Variants in SCML4 observed in about 807,000 individuals in gnomAD.
SCML4 encodes sex comb on midleg-like protein 4.
Under a neutral mutation model 41.1 loss-of-function variants are expected in SCML4, and 34 were observed. That is an observed-to-expected ratio of 0.83 (90% CI 0.63 to 1.10). The LOEUF is 1.10. Among genes scored for constraint, SCML4 ranks in the 50% least tolerant of loss-of-function variants. SCML4 has a pLI of 0.00. For synonymous variants in SCML4, 214 were observed against 220.9 expected, an observed-to-expected ratio of 0.97 and a Z score of 0.28; for missense variants, 522 against 534.1, an observed-to-expected ratio of 0.98 and a Z score of 0.22.
the SCML4 span, among the ~76,000 whole-genome samples, chr6:107,841,831 T>G: frequency 6.6e-6 from 1 of 151,842 alleles, no homozygotes; most frequent in African/African-American, 2.4e-5. Flanking sequence ...AAAATCCTCC[T>G]CCTCTACACA....
chr6:107,825,311 T>C (rs929343623), upstream of SCML4, among the ~76,000 whole-genome samples: 1 of 152,176 alleles, frequency 6.6e-6, no homozygotes, highest in East Asian at 1.9e-4. Flanking sequence ...GGACTAAATA[T>C]CAACCAGGGC....
chr6:107,812,422 G>A (rs887252879), intron 1 of SCML4, among the ~76,000 whole-genome samples: 3 of 152,204 alleles, frequency 2.0e-5, no homozygotes, highest in South Asian at 2.1e-4. Context: ...TGCCATGTCC[G>A]ATACCTCCTC....
intron 2 of SCML4, chr6:107,755,574 T>C: frequency 7.5e-7 from 1 of 1,330,622 alleles, no homozygotes; most frequent in Non-Finnish European, 9.9e-7. Flanking sequence ...CACAAACCTC[T>C]CTCCAGTGGA....
chr6:107,820,714 G>A (rs927759689), intron 1 of SCML4, among the ~76,000 whole-genome samples: 10 of 152,272 alleles, frequency 6.6e-5, no homozygotes, highest in South Asian at 2.1e-4. Context: ...CAGGGCGTTC[G>A]GACTTGGTAT....
At chr6:107,762,615 G>A (rs1048457013) in intron 2 of SCML4, among the ~76,000 whole-genome samples, 5 of 152,102 alleles carry the variant, frequency 3.3e-5, no homozygotes, top group African/African-American at 9.7e-5. Context: ...AAATATGGAC[G>A]GAGAGGCAGA....
intron 1 of SCML4, among the ~76,000 whole-genome samples, chr6:107,782,208 G>A (rs375021323): frequency 2.0e-5 from 3 of 152,328 alleles, no homozygotes; most frequent in South Asian, 2.1e-4. Context: ...TAGGCATGCC[G>A]CAGAGGTAGG....
At chr6:107,706,073 CA>C (rs1242864439) in intron 7 of SCML4, among the ~76,000 whole-genome samples, 1 of 152,160 alleles carries the variant, frequency 6.6e-6, no homozygotes, top group African/African-American at 2.4e-5. Flanking sequence ...GGTGCTCAAG[CA>C]GGGAGAAAAG....
chr6:107,834,842 G>A, the SCML4 span, among the ~76,000 whole-genome samples: 1 of 151,952 alleles, frequency 6.6e-6, no homozygotes, highest in Admixed American at 6.6e-5. Context: ...CTACTCAGGA[G>A]GCTGAGGTGG....
chr6:107,833,197 G>A, the SCML4 span, among the ~76,000 whole-genome samples: 1 of 152,196 alleles, frequency 6.6e-6, no homozygotes, highest in Admixed American at 6.5e-5. Context: ...AGAAAGGAAG[G>A]CTTGACTGGA....
the SCML4 span, among the ~76,000 whole-genome samples, chr6:107,829,589 G>T: frequency 0.073 from 11,067 of 152,046 alleles, 448 homozygotes; most frequent in African/African-American, 0.095. Flanking sequence ...CCTGTCGAGG[G>T]GTGGGGAGCA....
At position 107,702,827 on chromosome 6, in the gene SCML4, T is replaced by G. The variant is rs776500200; in HGVS notation, c.*2373A>C. Among the ~76,000 whole-genome samples, 1 of 152,176 alleles carries G rather than the reference T, an allele frequency of 6.6e-6. No homozygotes were observed. The highest frequency in any genetic ancestry group is 1.5e-5 in the Non-Finnish European group (1 of 68,034). ...GAGCAACTCCATCTTGAATGGGAGC[T>G]GGGTAAAATGAGGCTGAGACCTACT... On this transcript the variant is annotated 3_prime_UTR_variant, in exon 8 of 8. Transcript: ENST00000369020.
intron 4 of SCML4, 155 bp from the exon 5 acceptor site, chr6:107,745,298 T>C (rs1323558181): frequency 3.3e-6 from 2 of 609,698 alleles, no homozygotes; most frequent in Non-Finnish European, 5.8e-6. Flanking sequence ...GTCCTGTTTC[T>C]GGTGGGGATC....
In SCML4 at chr6:107,745,103, C is replaced by G. The variant is rs376727961; in HGVS notation, c.528G>C (p.Leu176=). 9.8e-5 allele frequency: 157 copies of G among 1,603,924 alleles called. No individual in the cohort carries two copies. Among genetic ancestry groups the G allele is most frequent in the Non-Finnish European group, 1.2e-4 (144 of 1,175,038 alleles). The change falls in exon 5 of 8, where the codon CTG becomes CTC. Residue 176 remains leucine (L), a synonymous_variant. Transcript: ENST00000369020. ...SFDGKQHLRS[L]PVVNSIGYVL... is the part of the protein sequence containing the mutation. ...CATAGCCGATGCTGTTCACCACAGG[C>G]AGGCTCCGCAGGTGCTGTTTGCCAT...
chr6:107,804,494 A>G (rs1234246274), intron 1 of SCML4, among the ~76,000 whole-genome samples: 1 of 152,134 alleles, frequency 6.6e-6, no homozygotes, highest in East Asian at 1.9e-4. Flanking sequence ...TCAAATTGCA[A>G]TATGTTGCAA....
chr6:107,803,342 G>C (rs1174779448), intron 1 of SCML4, among the ~76,000 whole-genome samples: 2 of 151,632 alleles, frequency 1.3e-5, no homozygotes, highest in South Asian at 2.1e-4. Flanking sequence ...AGTGAGGAGC[G>C]TCTCCGCCCG....
chr6:107,737,112 C>G lies in SCML4; in HGVS notation c.682+7837G>C, dbSNP rs545066604. 2.0e-5 allele frequency among the ~76,000 whole-genome samples: 3 copies of G among 152,330 alleles called. No homozygotes were observed. In the South Asian group the frequency reaches 6.2e-4, roughly 32 times the overall value. ...TAGAATTCAAGTCAGTAGGTATTTACTGCGTGTTTGCTGTGTTTCAGGCTC... is the reference window on the plus strand; with the variant it reads ...TAGAATTCAAGTCAGTAGGTATTTAGTGCGTGTTTGCTGTGTTTCAGGCTC... On this transcript the variant is annotated intron_variant, in intron 5 of 7. Coordinates refer to ENST00000369020, the MANE Select transcript of SCML4 (RefSeq NM_198081.5).
Position 107,704,948 on chromosome 6 carries a change from T to A in SCML4, c.*252A>T, listed in dbSNP as rs944436918. ...GGACCCACTTTAAGAGAAACCAGCATAACAGGGATGTTAAAAATCACAGGC... is the reference window on the plus strand; with the variant it reads ...GGACCCACTTTAAGAGAAACCAGCAAAACAGGGATGTTAAAAATCACAGGC... On this transcript the variant is annotated 3_prime_UTR_variant, in exon 8 of 8. Transcript: ENST00000369020. 1.6e-5 allele frequency: 9 copies of A among 550,604 alleles called. No homozygotes were observed. The highest frequency in any genetic ancestry group is 1.5e-4 in the African/African-American group (8 of 52,794). 34.1% of individuals were successfully genotyped at this position (550,604 alleles called of 1,614,324 possible).
At chr6:107,825,742 C>T (rs1785224745), upstream of SCML4, among the ~76,000 whole-genome samples, 1 of 151,134 alleles carries the variant, frequency 6.6e-6, no homozygotes, top group African/African-American at 2.4e-5. Flanking sequence ...AGATCGAGAC[C>T]ATCCTGTGAA....
the SCML4 span, among the ~76,000 whole-genome samples, chr6:107,840,415 A>G: frequency 1.3e-5 from 2 of 152,224 alleles, no homozygotes; most frequent in East Asian, 1.9e-4. Flanking sequence ...AACATATTAA[A>G]TCTCACAGAT....
Sources: gnomAD v4.1 joint callset for allele counts (sites outside exome capture counted in the v4.1 genomes callset) on GRCh38, gnomAD v4.1.1 for gene constraint, MANE v1.5 for transcripts, NCBI Gene and HGNC (gene_info 2026-07-23, HGNC 2026-07-21) for gene names.